The following PTPRQ variants were observed in gnomAD, a reference collection of about 807,000 sequenced individuals.
PTPRQ encodes protein tyrosine phosphatase receptor type Q, also known as phosphatidylinositol phosphatase PTPRQ.
A neutral mutation model predicts 246.0 loss-of-function variants in PTPRQ; 199 were observed. The ratio of observed to expected loss-of-function variants is 0.81; its 90% CI spans 0.72 to 0.91. The LOEUF is 0.91. Ranked by LOEUF, PTPRQ falls within the 40% of genes least tolerant of loss-of-function variation. The pLI is 0.00. For missense variants in PTPRQ, 2,624 were observed against 2,528.4 expected, an observed-to-expected ratio of 1.04 and a Z score of -0.81; for synonymous variants, 869 against 853.2, an observed-to-expected ratio of 1.02 and a Z score of -0.32.
intron 9 of PTPRQ, among the ~76,000 whole-genome samples, chr12:80,485,929 A>G (rs768910539): frequency 1.4e-4 from 22 of 152,074 alleles, no homozygotes; most frequent in Non-Finnish European, 2.8e-4. Context: ...CTCGTCTCAT[A>G]GTAGAGAGCT....
chr12:80,468,155 T>C (rs1391323065), intron 6 of PTPRQ, among the ~76,000 whole-genome samples: 18 of 152,156 alleles, frequency 1.2e-4, no homozygotes, highest in Non-Finnish European at 2.6e-4. Context: ...ATTTAAAATG[T>C]CATTATTATT....
At chr12:80,544,200 G>A (rs1035487377) in intron 23 of PTPRQ, among the ~76,000 whole-genome samples, 2 of 152,064 alleles carry the variant, frequency 1.3e-5, no homozygotes, top group African/African-American at 4.8e-5. Context: ...AATGCAAAAT[G>A]GGAGTTACAA....
chr12:80,657,012 G>A (rs1275833576), intron 38 of PTPRQ, among the ~76,000 whole-genome samples: 2 of 151,548 alleles, frequency 1.3e-5, no homozygotes, highest in African/African-American at 2.4e-5. Flanking sequence ...ATGGTACAAA[G>A]TCATAGTGAA....
chr12:80,454,432 G>A, intron 3 of PTPRQ: 1 of 665,210 alleles, frequency 1.5e-6, no homozygotes, highest in East Asian at 2.9e-5. Context: ...TACCTCAGAT[G>A]GAAATGCAGA....
intron 19 of PTPRQ, among the ~76,000 whole-genome samples, chr12:80,537,444 A>G (rs1565772016): frequency 6.6e-6 from 1 of 152,158 alleles, no homozygotes; most frequent in Non-Finnish European, 1.5e-5. Flanking sequence ...TTATGCCATG[A>G]CAAGCATCTT....
At chr12:80,451,236 A>AT (rs1216378404) in intron 3 of PTPRQ, among the ~76,000 whole-genome samples, 1 of 147,606 alleles carries the variant, frequency 6.8e-6, no homozygotes, top group East Asian at 2.0e-4. Flanking sequence ...CCCCTTTATC[A>AT]TTTTTTATTG....
chr12:80,573,484 G>T (rs977977698), intron 25 of PTPRQ, among the ~76,000 whole-genome samples: 1 of 151,056 alleles, frequency 6.6e-6, no homozygotes, highest in Non-Finnish European at 1.5e-5. Flanking sequence ...GTGAGACTCC[G>T]TCTTAAAAAA....
At chr12:80,450,420 T>A (rs1892717772) in intron 3 of PTPRQ, among the ~76,000 whole-genome samples, 1 of 152,154 alleles carries the variant, frequency 6.6e-6, no homozygotes, top group Non-Finnish European at 1.5e-5. Context: ...CTATGTTGAA[T>A]AGGAGTGGTG....
Position 80,506,132 on chromosome 12 carries a change from C to G in PTPRQ, c.2381C>G (p.Thr794Arg), listed in dbSNP as rs1046869169. The G allele has an allele frequency of 2.0e-6, 3 of 1,537,502 alleles. No individual in the cohort carries two copies. Among genetic ancestry groups the G allele is most frequent in the East Asian group, 4.9e-5 (2 of 40,496 alleles). Residue 794 changes from threonine (T) to arginine (R), a missense_variant, in exon 15 of 45, where the codon ACA (threonine) becomes AGA (arginine). Transcript: ENST00000644991. Reference sequence around the variant, plus strand: ...CCCAATGGAATCATACAAAAATATACAATTTATCTCAAGAGAAGTAATGGA... The same window carrying G: ...CCCAATGGAATCATACAAAAATATAGAATTTATCTCAAGAGAAGTAATGGA... ...SSPNGIIQKY[T>R]IYLKRSNGNE...
intron 35 of PTPRQ, among the ~76,000 whole-genome samples, chr12:80,644,066 T>C (rs1301236556): frequency 6.6e-6 from 1 of 152,202 alleles, no homozygotes; most frequent in Admixed American, 6.5e-5. Context: ...ATTAGGACTA[T>C]ATTTTAATTC....
chr12:80,515,902 G>T (rs1042759888), intron 17 of PTPRQ, among the ~76,000 whole-genome samples: 1 of 152,062 alleles, frequency 6.6e-6, no homozygotes, highest in South Asian at 2.1e-4. Flanking sequence ...AGTCACATTT[G>T]ATTTGTAGAT....
chr12:80,649,810 G>T, intron 37 of PTPRQ, 141 bp downstream of exon 37: 1 of 1,289,828 alleles, frequency 7.8e-7, no homozygotes, highest in Non-Finnish European at 1.0e-6. Context: ...TGATTGTTTT[G>T]ATAGTAATGT....
At chr12:80,461,776 A>G (rs992868600) in intron 6 of PTPRQ, among the ~76,000 whole-genome samples, 2 of 151,512 alleles carry the variant, frequency 1.3e-5, no homozygotes, top group African/African-American at 4.9e-5. Context: ...TTCATTTCAT[A>G]TAAGTTTGAA....
intron 1 of PTPRQ, 147 bp from the exon 2 acceptor site, chr12:80,444,594 T>TA (rs1351810890): frequency 2.8e-6 from 2 of 708,406 alleles, no homozygotes; most frequent in African/African-American, 1.8e-5. Context: ...ATTTGTATCT[T>TA]ACAATAATAT....
rs772036116 is a variant in PTPRQ, at chr12:80,632,187, T to C, written c.5687-5T>C. The stretch of plus-strand genomic sequence containing the variant: ...TTTAATGATCCTGTTATCCCTCTTC[T>C]CCAGGGGAAGGACTTTCAGAAAGAA... On this transcript the variant is annotated splice_polypyrimidine_tract_variant and splice_region_variant and intron_variant, in intron 33 of 44. Transcript: ENST00000644991. 6.4e-7 allele frequency: 1 copy of C among 1,550,520 alleles called. No homozygotes were observed. The highest frequency in any genetic ancestry group is 1.2e-5 in the South Asian group (1 of 83,632).
intron 8 of PTPRQ, among the ~76,000 whole-genome samples, chr12:80,475,095 C>G (rs988722322): frequency 6.6e-6 from 1 of 152,002 alleles, no homozygotes; most frequent in Admixed American, 6.6e-5. Context: ...TTTCTTTTAC[C>G]TCAATGCTGT....
At chr12:80,527,068 T>A (rs967885403) in intron 17 of PTPRQ, among the ~76,000 whole-genome samples, 11 of 152,228 alleles carry the variant, frequency 7.2e-5, no homozygotes, top group African/African-American at 1.2e-4. Context: ...TAGCTTTTTT[T>A]AAAAATCATT....
chr12:80,615,883 C>G (rs1287210158), intron 29 of PTPRQ, among the ~76,000 whole-genome samples: 1 of 150,896 alleles, frequency 6.6e-6, no homozygotes, highest in Non-Finnish European at 1.5e-5. Flanking sequence ...CAGTCCAGGT[C>G]TCAGTGATAG....
intron 33 of PTPRQ, among the ~76,000 whole-genome samples, chr12:80,625,813 A>G (rs1486125087): frequency 6.6e-6 from 1 of 152,178 alleles, no homozygotes; most frequent in Non-Finnish European, 1.5e-5. Flanking sequence ...AAGATTGAGT[A>G]TTGGCATTTT....
Sources: allele counts gnomAD v4.1 joint callset (sites outside exome capture counted in the v4.1 genomes callset), GRCh38; gene constraint gnomAD v4.1.1; transcripts MANE v1.5; gene names NCBI Gene and HGNC (gene_info 2026-07-23, HGNC 2026-07-21).